PPARGC1A: variants seen among roughly 807,000 people sequenced by gnomAD.
PPARGC1A encodes the protein peroxisome proliferator-activated receptor gamma coactivator 1-alpha.
In PPARGC1A, 25 loss-of-function variants were observed where a neutral mutation model predicts 88.7. The observed-to-expected ratio is 0.28, with a 90% CI of 0.21 to 0.39. The LOEUF (loss-of-function observed/expected upper bound fraction) is 0.39. Ranked by LOEUF, PPARGC1A falls within the 10% of genes least tolerant of loss-of-function variation. PPARGC1A has a pLI of 1.00. For missense variants in PPARGC1A, 880 were observed against 968.7 expected, an observed-to-expected ratio of 0.91 and a Z score of 1.22; for synonymous variants, 363 against 355.6, an observed-to-expected ratio of 1.02 and a Z score of -0.24.
chr4:23,967,944 G>A, the PPARGC1A span, among the ~76,000 whole-genome samples: 8 of 152,286 alleles, frequency 5.3e-5, no homozygotes, highest in South Asian at 1.7e-3. Context: ...AATTAAAGGA[G>A]GAGGAGGAGA....
the PPARGC1A span, among the ~76,000 whole-genome samples, chr4:23,949,598 T>A: frequency 6.6e-6 from 1 of 152,182 alleles, no homozygotes; most frequent in South Asian, 2.1e-4. Flanking sequence ...GTTAATCCAG[T>A]AAATAAACTC....
chr4:24,207,883 T>A, the PPARGC1A span, among the ~76,000 whole-genome samples: 1 of 152,188 alleles, frequency 6.6e-6, no homozygotes, highest in African/African-American at 2.4e-5. Context: ...GTCATCACAG[T>A]CAAATCTAAT....
chr4:24,447,503 G>A, the PPARGC1A span, among the ~76,000 whole-genome samples: 3 of 152,226 alleles, frequency 2.0e-5, no homozygotes, highest in Non-Finnish European at 4.4e-5. Context: ...GGGCTCCTAG[G>A]AAGGTCAGCA....
the PPARGC1A span, among the ~76,000 whole-genome samples, chr4:24,383,327 G>T: frequency 1.4e-4 from 22 of 152,142 alleles, 1 homozygote; most frequent in African/African-American, 5.3e-4. Context: ...TCCTTCGAAG[G>T]ATCAAAACTC....
At chr4:24,457,833 G>T in the PPARGC1A span, among the ~76,000 whole-genome samples, 1 of 152,124 alleles carries the variant, frequency 6.6e-6, no homozygotes, top group Non-Finnish European at 1.5e-5. Context: ...AAAGTGCTGG[G>T]ATTACAGGCG....
At chr4:24,164,882 G>A in the PPARGC1A span, among the ~76,000 whole-genome samples, 2 of 152,106 alleles carry the variant, frequency 1.3e-5, no homozygotes, top group Non-Finnish European at 2.9e-5. Context: ...ATGGGGGTAA[G>A]GAGGTTGTCT....
chr4:24,232,358 A>G, the PPARGC1A span, among the ~76,000 whole-genome samples: 126 of 152,228 alleles, frequency 8.3e-4, no homozygotes, highest in African/African-American at 3.0e-3. Flanking sequence ...GTTTGCTTAA[A>G]CTCCACTGTC....
chr4:24,018,849 A>C, the PPARGC1A span, among the ~76,000 whole-genome samples: 1 of 152,102 alleles, frequency 6.6e-6, no homozygotes, highest in African/African-American at 2.4e-5. Flanking sequence ...TCTTTTTTGC[A>C]ATCAAAAATA....
At position 23,824,492 on chromosome 4, in the gene PPARGC1A, T is replaced by C; in HGVS notation, c.774A>G (p.Leu258=). ...GTGACTCTGGGGTCAGAGGAAGAGA[T>C]AAAGTTGTTGGTTTGGCTAAAGAAA... is the stretch of plus-strand genomic sequence containing the variant. ...SQHLQAKPTT[L]SLPLTPESPN... is the part of the protein sequence containing the mutation. Residue 258 remains leucine, a synonymous_variant, in exon 6 of 13, where the codon TTA becomes TTG. Coordinates refer to ENST00000264867, the MANE Select transcript of PPARGC1A (RefSeq NM_013261.5). The C allele has an allele frequency of 6.2e-7, 1 of 1,608,090 alleles. No individual in the cohort carries two copies. The highest frequency in any genetic ancestry group is 1.7e-5 in the Admixed American group (1 of 59,756).
At chr4:24,247,202 C>T in the PPARGC1A span, among the ~76,000 whole-genome samples, 1 of 152,032 alleles carries the variant, frequency 6.6e-6, no homozygotes, top group South Asian at 2.1e-4. Flanking sequence ...ACCCACCACC[C>T]CCCAAAAAGA....
chr4:23,948,613 T>G, the PPARGC1A span, among the ~76,000 whole-genome samples: 1 of 152,128 alleles, frequency 6.6e-6, no homozygotes, highest in Non-Finnish European at 1.5e-5. Flanking sequence ...GAACTTGAAT[T>G]TGCAGAGCGA....
chr4:24,188,747 A>T, the PPARGC1A span, among the ~76,000 whole-genome samples: 1 of 152,130 alleles, frequency 6.6e-6, no homozygotes, highest in Non-Finnish European at 1.5e-5. Flanking sequence ...TGGTTGCTCA[A>T]AATATTAAAA....
chr4:24,349,647 C>G, the PPARGC1A span, among the ~76,000 whole-genome samples: 97 of 152,294 alleles, frequency 6.4e-4, no homozygotes, highest in African/African-American at 2.2e-3. Context: ...CTCACTCCCA[C>G]CGTGCCCCCA....
chr4:23,981,635 G>A, the PPARGC1A span, among the ~76,000 whole-genome samples: 6 of 152,144 alleles, frequency 3.9e-5, no homozygotes, highest in Admixed American at 1.3e-4. Flanking sequence ...ACCCTTCAAC[G>A]AGGAGTCCAC....
At chr4:23,853,702 C>T (rs1729709125) in intron 2 of PPARGC1A, among the ~76,000 whole-genome samples, 1 of 152,092 alleles carries the variant, frequency 6.6e-6, no homozygotes, top group Non-Finnish European at 1.5e-5. Flanking sequence ...GAAGGATAGA[C>T]AGAAACTTGA....
the PPARGC1A span, among the ~76,000 whole-genome samples, chr4:24,160,562 T>C: frequency 6.6e-6 from 1 of 152,180 alleles, no homozygotes; most frequent in Non-Finnish European, 1.5e-5. Context: ...CAAAGAGGAA[T>C]GCTTTCTAAA....
chr4:24,461,801 C>T, the PPARGC1A span, among the ~76,000 whole-genome samples: 42 of 152,206 alleles, frequency 2.8e-4, no homozygotes, highest in Non-Finnish European at 1.8e-4. Context: ...TCAAATGTCC[C>T]CACTCTCATC....
chr4:24,341,677 A>C, the PPARGC1A span, among the ~76,000 whole-genome samples: 1 of 152,210 alleles, frequency 6.6e-6, no homozygotes, highest in Non-Finnish European at 1.5e-5. Context: ...GTTACTGTGA[A>C]GAAGACATAC....
chr4:24,291,257 ACT>A, the PPARGC1A span, among the ~76,000 whole-genome samples: 2 of 150,302 alleles, frequency 1.3e-5, no homozygotes, highest in Admixed American at 6.7e-5. Flanking sequence ...CCCATTTAAC[ACT>A]CTCTCTCTCT....
Sources: allele counts gnomAD v4.1 joint callset (sites outside exome capture counted in the v4.1 genomes callset), GRCh38; gene constraint gnomAD v4.1.1; transcripts MANE v1.5; gene names NCBI Gene and HGNC (gene_info 2026-07-23, HGNC 2026-07-21).